Variants in TBC1D22A observed in about 807,000 individuals in gnomAD.
TBC1D22A encodes putative GTPase activator.
A neutral mutation model predicts 60.2 loss-of-function variants in TBC1D22A; 38 were observed. The ratio of observed to expected loss-of-function variants is 0.63; its 90% confidence interval spans 0.49 to 0.83. The LOEUF is 0.83. TBC1D22A is among the 40% of genes least tolerant of loss of function. The pLI, the probability that TBC1D22A is intolerant of heterozygous loss-of-function variation, is 0.00. For missense variants in TBC1D22A, 628 were observed against 701.0 expected (o/e 0.90, Z 1.18); for synonymous variants, 302 against 281.7 (o/e 1.07, Z -0.72).
At position 46,977,366 on chromosome 22, in the gene TBC1D22A, C is replaced by G. The variant is rs112700999; in HGVS notation, c.1125+2967C>G. ...GAGATGTATGAAGCACCTGCCTTCT[C>G]TCTGCAGGTGCTCAGAGAGGCGGAA... On this transcript the variant is annotated intron_variant, in intron 9 of 12. Coordinates refer to ENST00000337137, the MANE Select transcript of TBC1D22A (RefSeq NM_014346.5). Among the ~76,000 whole-genome samples, 447 of 152,238 alleles carry G rather than the reference C, an allele frequency of 2.9e-3. 3 individuals carry two copies. Among genetic ancestry groups the G allele is most frequent in the Non-Finnish European group, 3.4e-3 (231 of 68,032 alleles).
In TBC1D22A at chr22:46,793,494, A is replaced by G. The variant is rs778865963; in HGVS notation, c.120-7A>G. On this transcript the variant is annotated splice_region_variant and splice_polypyrimidine_tract_variant and intron_variant, in intron 2 of 12. Transcript: ENST00000337137. ...ATGTACGAGTAAAGACTGCCTTTGC[A>G]TTGCAGTTTGCTCAGGTCCACGGCC... The G allele has an allele frequency of 1.9e-6, 3 of 1,614,056 alleles. No individual in the cohort carries two copies. The highest frequency in any genetic ancestry group is 2.5e-6 in the Non-Finnish European group (3 of 1,179,988).
At chr22:47,110,461 A>G (rs1027038449) in intron 11 of TBC1D22A, among the ~76,000 whole-genome samples, 2 of 152,208 alleles carry the variant, frequency 1.3e-5, no homozygotes, top group African/African-American at 2.4e-5. Flanking sequence ...CCTGGGCAAC[A>G]GAGCGAAATT....
chr22:47,121,011 T>TA (rs1197112271), intron 12 of TBC1D22A, among the ~76,000 whole-genome samples: 2 of 152,246 alleles, frequency 1.3e-5, no homozygotes, highest in Non-Finnish European at 2.9e-5. Flanking sequence ...ATTCACAACG[T>TA]AGCTTATATC....
chr22:47,151,223 G>A (rs988852929), intron 12 of TBC1D22A, among the ~76,000 whole-genome samples: 7 of 152,190 alleles, frequency 4.6e-5, no homozygotes, highest in East Asian at 1.9e-4. Context: ...TAAACGCTGC[G>A]TGGTGTGGGG....
chr22:47,151,066 A>G (rs922741357), intron 12 of TBC1D22A, among the ~76,000 whole-genome samples: 1 of 151,990 alleles, frequency 6.6e-6, no homozygotes, highest in Non-Finnish European at 1.5e-5. Flanking sequence ...GTGGCCCCTC[A>G]GAGGCTGAGG....
At chr22:47,013,135 A>T (rs185538617) in intron 10 of TBC1D22A, among the ~76,000 whole-genome samples, 1 of 152,212 alleles carries the variant, frequency 6.6e-6, no homozygotes, top group Non-Finnish European at 1.5e-5. Context: ...CATCTGTCCC[A>T]GTCGCTTCCT....
At chr22:46,843,023 CTCGAGCACACTGTGCG>C in intron 4 of TBC1D22A, among the ~76,000 whole-genome samples, 1 of 152,188 alleles carries the variant, frequency 6.6e-6, no homozygotes, top group Non-Finnish European at 1.5e-5. Context: ...TCTGCAGTGC[CTCGAGCACACTGTGCG>C]TACCTGAGGC....
intron 10 of TBC1D22A, among the ~76,000 whole-genome samples, chr22:46,999,243 G>C (rs542562720): frequency 1.3e-5 from 2 of 152,226 alleles, no homozygotes; most frequent in African/African-American, 2.4e-5. Context: ...TTGTTTAAGA[G>C]AGCAGCAGCG....
intron 10 of TBC1D22A, among the ~76,000 whole-genome samples, chr22:47,007,213 G>C (rs1372873707): frequency 1.3e-5 from 2 of 152,204 alleles, no homozygotes; most frequent in Non-Finnish European, 2.9e-5. Context: ...GTTCCTCCTG[G>C]TTTGGGGCCA....
intron 4 of TBC1D22A, among the ~76,000 whole-genome samples, chr22:46,848,508 G>C (rs1367731981): frequency 6.6e-6 from 1 of 152,192 alleles, no homozygotes; most frequent in African/African-American, 2.4e-5. Context: ...TCTCTAAGCC[G>C]AGGGAGAGAC....
In TBC1D22A at chr22:47,030,821, A is replaced by G. The variant is rs572610088; in HGVS notation, c.1202-6250A>G. On this transcript the variant is annotated intron_variant, in intron 10 of 12. Transcript: ENST00000337137. Reference sequence around the variant, plus strand: ...ATGTACATTTGCAGCTTTGATGTGTATAAATGGGAAGTAATGCCTGGAGTT... The same window carrying G: ...ATGTACATTTGCAGCTTTGATGTGTGTAAATGGGAAGTAATGCCTGGAGTT... Among the ~76,000 whole-genome samples the G allele has an allele frequency of 1.0e-3, 154 of 152,382 alleles. 1 individual carries two copies. The highest frequency in any genetic ancestry group is 3.5e-3 in the African/African-American group (146 of 41,602).
intron 11 of TBC1D22A, among the ~76,000 whole-genome samples, chr22:47,058,795 G>A (rs1393830513): frequency 6.6e-6 from 1 of 152,120 alleles, no homozygotes; most frequent in Non-Finnish European, 1.5e-5. Flanking sequence ...ACCCAGCCGT[G>A]TTGCTCTGTG....
chr22:47,105,442 G>T (rs1003602380), intron 11 of TBC1D22A, among the ~76,000 whole-genome samples: 1 of 152,184 alleles, frequency 6.6e-6, no homozygotes, highest in Non-Finnish European at 1.5e-5. Context: ...ATCAAAGCTG[G>T]TCTTTACCCA....
chr22:46,810,969 G>T (rs2085352662), intron 4 of TBC1D22A, among the ~76,000 whole-genome samples: 1 of 152,186 alleles, frequency 6.6e-6, no homozygotes, highest in South Asian at 2.1e-4. Flanking sequence ...GATTGAAGAG[G>T]CTGGGCTTAC....
chr22:46,862,380 T>C (rs1337272299), intron 4 of TBC1D22A, among the ~76,000 whole-genome samples: 3 of 152,038 alleles, frequency 2.0e-5, no homozygotes, highest in Admixed American at 2.0e-4. Context: ...ATGGAGGTGC[T>C]GGTGGTGCAG....
intron 11 of TBC1D22A, among the ~76,000 whole-genome samples, chr22:47,107,076 G>A (rs901814491): frequency 1.3e-5 from 2 of 152,180 alleles, no homozygotes; most frequent in Non-Finnish European, 2.9e-5. Flanking sequence ...TACTGTTTGG[G>A]AGGAGGATAA....
At chr22:47,047,655 C>T (rs2063073892) in intron 11 of TBC1D22A, among the ~76,000 whole-genome samples, 1 of 152,226 alleles carries the variant, frequency 6.6e-6, no homozygotes, top group Non-Finnish European at 1.5e-5. Context: ...ACCAAGAGGT[C>T]AGGCCTGCAG....
At chr22:47,126,650 A>C (rs1013470629) in intron 12 of TBC1D22A, among the ~76,000 whole-genome samples, 4 of 152,226 alleles carry the variant, frequency 2.6e-5, no homozygotes, top group Admixed American at 2.6e-4. Context: ...AGGAGTGAGC[A>C]TTAGGAAGCG....
chr22:46,974,470 G>A (rs1310418376), intron 9 of TBC1D22A, 71 bp downstream of exon 9: 3 of 1,317,118 alleles, frequency 2.3e-6, no homozygotes, highest in Non-Finnish European at 3.2e-6. Context: ...TGAGGCCTTA[G>A]GCTGCTCCTG....
Sources: allele counts gnomAD v4.1 joint callset (sites outside exome capture counted in the v4.1 genomes callset), GRCh38; gene constraint gnomAD v4.1.1; transcripts MANE v1.5; gene names NCBI Gene and HGNC (gene_info 2026-07-23, HGNC 2026-07-21).